The following CALD1 variants were observed in gnomAD, a reference collection of about 807,000 sequenced individuals.
The protein encoded by CALD1 is caldesmon 1, also known as caldesmon.
A neutral mutation model predicts 99.9 loss-of-function variants in CALD1; 33 were observed. The ratio of observed to expected loss-of-function variants is 0.33; its 90% CI spans 0.25 to 0.44. CALD1 has a LOEUF of 0.44. CALD1 is among the 20% of genes least tolerant of loss of function. The pLI, the probability that CALD1 is intolerant of heterozygous loss-of-function variation, is 1.00. For missense variants in CALD1, 861 were observed against 962.1 expected (o/e 0.89, Z 1.39); for synonymous variants, 310 against 325.0 (o/e 0.95, Z 0.50).
At chr7:134,717,452 T>C in the CALD1 span, among the ~76,000 whole-genome samples, 1 of 152,210 alleles carries the variant, frequency 6.6e-6, no homozygotes, top group African/African-American at 2.4e-5. Flanking sequence ...ACATTTCAGT[T>C]TCATTCAACA....
At chr7:134,804,321 T>G (rs2131866765) in intron 1 of CALD1, among the ~76,000 whole-genome samples, 1 of 152,392 alleles carries the variant, frequency 6.6e-6, no homozygotes, top group Non-Finnish European at 1.5e-5. Context: ...TTCTTTTACC[T>G]GTTTGTTTTC....
At chr7:134,937,093 T>A (rs1806039493) in intron 6 of CALD1, among the ~76,000 whole-genome samples, 1 of 152,216 alleles carries the variant, frequency 6.6e-6, no homozygotes, top group Non-Finnish European at 1.5e-5. Flanking sequence ...GAAGTGGGCA[T>A]GAAATGATGA....
chr7:134,909,675 G>A (rs897968547), intron 3 of CALD1, among the ~76,000 whole-genome samples: 5 of 152,104 alleles, frequency 3.3e-5, no homozygotes, highest in African/African-American at 1.2e-4. Flanking sequence ...TGGGTGACAA[G>A]AGCAAAACGC....
chr7:134,872,198 A>G (rs967800521), intron 3 of CALD1, among the ~76,000 whole-genome samples: 12 of 152,184 alleles, frequency 7.9e-5, no homozygotes, highest in Admixed American at 3.3e-4. Flanking sequence ...CTGTACTAAA[A>G]ATACAAAAAG....
At chr7:134,804,183 A>G (rs1292760095) in intron 1 of CALD1, among the ~76,000 whole-genome samples, 1 of 152,188 alleles carries the variant, frequency 6.6e-6, no homozygotes, top group Non-Finnish European at 1.5e-5. Context: ...CATCTTCCCC[A>G]TACTTTCAAT....
intron 7 of CALD1, 147 bp from the exon 8 acceptor site, chr7:134,947,361 G>A (rs1806964638): frequency 1.3e-6 from 1 of 770,830 alleles, no homozygotes; most frequent in African/African-American, 1.8e-5. Context: ...ATTCCGGGCA[G>A]ACCCCTTCCC....
At chr7:134,841,928 C>T (rs576600320) in intron 1 of CALD1, among the ~76,000 whole-genome samples, 38 of 152,324 alleles carry the variant, frequency 2.5e-4, no homozygotes, top group African/African-American at 8.9e-4. Context: ...CAGATCTTTA[C>T]ATGGGGGGGC....
intron 13 of CALD1, among the ~76,000 whole-genome samples, chr7:134,964,249 T>C (rs1808501320): frequency 6.6e-6 from 1 of 152,092 alleles, no homozygotes; most frequent in Admixed American, 6.5e-5. Flanking sequence ...CGGCAACGGA[T>C]CCCAAGATAG....
chr7:134,945,693 A>G (rs1040506049), intron 7 of CALD1, among the ~76,000 whole-genome samples: 1 of 152,228 alleles, frequency 6.6e-6, no homozygotes, highest in Non-Finnish European at 1.5e-5. Flanking sequence ...AACCTTAACC[A>G]CATCATACCA....
chr7:134,830,458 A>G (rs1799175589), intron 1 of CALD1, among the ~76,000 whole-genome samples: 1 of 151,932 alleles, frequency 6.6e-6, no homozygotes, highest in Non-Finnish European at 1.5e-5. Context: ...GGTTTGTTAC[A>G]CAGGTAAATG....
intron 1 of CALD1, among the ~76,000 whole-genome samples, chr7:134,818,054 G>C (rs577712385): frequency 8.5e-5 from 13 of 152,186 alleles, no homozygotes; most frequent in African/African-American, 2.6e-4. Flanking sequence ...TATATGCACA[G>C]ATAGCATTCC....
At chr7:134,798,717 G>A (rs984629791) in intron 1 of CALD1, among the ~76,000 whole-genome samples, 1 of 152,206 alleles carries the variant, frequency 6.6e-6, no homozygotes, top group Non-Finnish European at 1.5e-5. Flanking sequence ...CCCAATGACC[G>A]TATTCCACAT....
Position 134,933,585 on chromosome 7 carries a change from G to A in CALD1, c.816G>A (p.Leu272=), listed in dbSNP as rs138138468. The change falls in exon 5 of 15, where the codon TTG becomes TTA. Residue 272 remains leucine (L), a synonymous_variant. Coordinates refer to ENST00000361675, the MANE Select transcript of CALD1 (RefSeq NM_033138.4). Reference sequence around the variant, plus strand: ...GAGCTGAGGCAGAGAGGGCAAGGTTGGAAGCAGAAGAAAGAGAAAGAATTA... The same window carrying A: ...GAGCTGAGGCAGAGAGGGCAAGGTTAGAAGCAGAAGAAAGAGAAAGAATTA... The part of the protein sequence containing the change: ...KERAEAERAR[L]EAEERERIKA... 2.8e-4 allele frequency: 459 copies of A among 1,613,278 alleles called. 4 individuals carry two copies. The African/African-American group carries it at 5.1e-3, about 18-fold the overall frequency.
rs190208885 is a variant in CALD1 at position 134,820,806 on chromosome 7, T to C, written c.-129-23078T>C. On this transcript the variant is annotated intron_variant, in intron 1 of 14. Transcript: ENST00000361675. ...GGTAGCAAGGGGTGGTCGTGGACTG[T>C]AGGAAGTGTTGACTTCAAAATATAT... Among the ~76,000 whole-genome samples, 72 of 152,332 alleles carry C rather than the reference T, an allele frequency of 4.7e-4. 1 individual carries two copies. Among genetic ancestry groups the C allele is most frequent in the Admixed American group, 1.7e-3 (26 of 15,290 alleles).
chr7:134,928,030 T>C, intron 3 of CALD1: 1 of 247,386 alleles, frequency 4.0e-6, no homozygotes, highest in Non-Finnish European at 8.7e-6. Context: ...ACTTGATTCT[T>C]TTCTGATCTT....
chr7:134,876,650 C>G (rs544625303), intron 3 of CALD1, among the ~76,000 whole-genome samples: 1 of 152,322 alleles, frequency 6.6e-6, no homozygotes, highest in Admixed American at 6.5e-5. Context: ...TGATTTACTA[C>G]AATCCCATTT....
chr7:134,840,655 G>GCT (rs1407217424), intron 1 of CALD1, among the ~76,000 whole-genome samples: 6 of 149,954 alleles, frequency 4.0e-5, no homozygotes, highest in Non-Finnish European at 7.4e-5. Flanking sequence ...AAAGGTAAAA[G>GCT]AAAATGTCAG....
At chr7:134,788,159 T>C (rs1272807606) in intron 1 of CALD1, among the ~76,000 whole-genome samples, 1 of 152,228 alleles carries the variant, frequency 6.6e-6, no homozygotes. Context: ...AAACACATTA[T>C]ATGAAGAGCC....
intron 3 of CALD1, chr7:134,891,402 C>T (rs1802157077): frequency 4.7e-6 from 6 of 1,268,456 alleles, no homozygotes; most frequent in African/African-American, 3.0e-5. Flanking sequence ...GAGGAGGGAA[C>T]GGGTTGGGAG....
Sources: gnomAD v4.1 joint callset for allele counts (sites outside exome capture counted in the v4.1 genomes callset) on GRCh38, gnomAD v4.1.1 for gene constraint, MANE v1.5 for transcripts, NCBI Gene and HGNC (gene_info 2026-07-23, HGNC 2026-07-21) for gene names.